Variants in NAALADL2 observed in about 807,000 individuals in gnomAD.
NAALADL2 encodes the protein N-acetylated alpha-linked acidic dipeptidase like 2.
Under a neutral mutation model 87.2 loss-of-function variants are expected in NAALADL2, and 76 were observed. That is an observed-to-expected ratio of 0.87 (90% CI 0.72 to 1.05). The LOEUF is 1.05. Ranked by LOEUF, NAALADL2 falls within the 50% of genes least tolerant of loss-of-function variation. The pLI is 0.00. For missense variants in NAALADL2, 1,089 were observed against 945.8 expected, an observed-to-expected ratio of 1.15 and a Z score of -1.99; for synonymous variants, 354 against 331.0, an observed-to-expected ratio of 1.07 and a Z score of -0.75.
At position 175,237,563 on chromosome 3, in the gene NAALADL2, C is replaced by T. The variant is rs138989704; in HGVS notation, c.819+3359C>T. On this transcript the variant is annotated intron_variant, in intron 3 of 13. Coordinates refer to ENST00000454872, the MANE Select transcript of NAALADL2 (RefSeq NM_207015.3). The stretch of plus-strand genomic sequence containing the variant: ...ATTTTGGTTATATGTTCGATATGTT[C>T]GGTAGCTGTCTTTTTAGATCCCTTT... Among the ~76,000 whole-genome samples the T allele has an allele frequency of 6.0e-4, 91 of 152,148 alleles. No individual in the cohort carries two copies. The East Asian group carries it at 0.011, about 18-fold the overall frequency.
chr3:175,078,751 A>G lies in NAALADL2; in HGVS notation c.44-18039A>G, dbSNP rs572114494. On this transcript the variant is annotated intron_variant, in intron 1 of 13. Coordinates refer to ENST00000454872, the MANE Select transcript of NAALADL2 (RefSeq NM_207015.3). ...TGTTTTTGAGATTCATCCATTTTTT[A>G]CTATGTATCAGTACTTAATTCATTT... Among the ~76,000 whole-genome samples the G allele has an allele frequency of 1.6e-4, 25 of 152,256 alleles. No homozygotes were observed. The South Asian group carries it at 4.3e-3, about 26-fold the overall frequency.
At chr3:175,114,902 T>C (rs754100261) in intron 2 of NAALADL2, among the ~76,000 whole-genome samples, 12 of 151,632 alleles carry the variant, frequency 7.9e-5, no homozygotes, top group South Asian at 4.1e-4. Flanking sequence ...CCAAAGCAAA[T>C]CACAAAAGAA....
chr3:175,705,019 G>A (rs1380578129), intron 11 of NAALADL2, among the ~76,000 whole-genome samples: 1 of 152,154 alleles, frequency 6.6e-6, no homozygotes, highest in Non-Finnish European at 1.5e-5. Flanking sequence ...ATGAATCGGA[G>A]CCTTGTATGG....
intron 3 of NAALADL2, among the ~76,000 whole-genome samples, chr3:174,790,229 CT>C (rs1281060196): frequency 1.3e-5 from 2 of 152,056 alleles, no homozygotes; most frequent in African/African-American, 4.8e-5. Flanking sequence ...TTTTTGGTTC[CT>C]AGTTTTGATA....
intron 1 of NAALADL2, among the ~76,000 whole-genome samples, chr3:175,079,812 G>A (rs1012854348): frequency 6.6e-6 from 1 of 151,526 alleles, no homozygotes; most frequent in Admixed American, 6.6e-5. Context: ...GCACACACAC[G>A]TACGTAAACA....
At chr3:174,523,890 T>C (rs1264419288) in intron 1 of NAALADL2, among the ~76,000 whole-genome samples, 4 of 152,228 alleles carry the variant, frequency 2.6e-5, no homozygotes, top group African/African-American at 9.6e-5. Flanking sequence ...TTTTTCCTTT[T>C]TTTAAAATTC....
chr3:175,528,837 A>T (rs544661368), intron 9 of NAALADL2, among the ~76,000 whole-genome samples: 19 of 152,364 alleles, frequency 1.2e-4, no homozygotes, highest in African/African-American at 4.3e-4. Context: ...AAGAGTACAC[A>T]TGCACAAACA....
intron 2 of NAALADL2, among the ~76,000 whole-genome samples, chr3:174,589,230 G>T (rs112041651): frequency 0.016 from 2,465 of 152,282 alleles, 68 homozygotes; most frequent in African/African-American, 0.055. Flanking sequence ...TTGGAAAAGT[G>T]CAGTATTAGG....
intron 5 of NAALADL2, among the ~76,000 whole-genome samples, chr3:175,337,090 T>C (rs1262314969): frequency 6.7e-6 from 1 of 149,412 alleles, no homozygotes; most frequent in Non-Finnish European, 1.5e-5. Flanking sequence ...GTCTCTGTCA[T>C]TTCAATATTC....
chr3:174,538,324 G>A (rs992704492), intron 1 of NAALADL2, among the ~76,000 whole-genome samples: 25 of 152,038 alleles, frequency 1.6e-4, no homozygotes, highest in African/African-American at 5.6e-4. Flanking sequence ...ATGGGAAGTG[G>A]AGGTTGGACC....
intron 9 of NAALADL2, among the ~76,000 whole-genome samples, chr3:175,521,609 G>C (rs1274691699): frequency 6.6e-6 from 1 of 152,078 alleles, no homozygotes; most frequent in Non-Finnish European, 1.5e-5. Context: ...GGATTAGGGT[G>C]GGCTCTAATC....
At chr3:175,336,378 C>T (rs780030036) in intron 5 of NAALADL2, among the ~76,000 whole-genome samples, 8 of 152,186 alleles carry the variant, frequency 5.3e-5, no homozygotes, top group Non-Finnish European at 1.0e-4. Context: ...TCTGGAATTA[C>T]TACTACACAG....
chr3:175,122,162 C>CCT (rs978971488), intron 2 of NAALADL2, among the ~76,000 whole-genome samples: 19 of 151,900 alleles, frequency 1.3e-4, no homozygotes, highest in African/African-American at 4.3e-4. Context: ...TAAGCCCCTG[C>CCT]CTATGCTGAT....
intron 5 of NAALADL2, among the ~76,000 whole-genome samples, chr3:175,421,703 C>A (rs765592425): frequency 4.9e-4 from 75 of 151,768 alleles, no homozygotes; most frequent in African/African-American, 1.6e-3. Flanking sequence ...TACTTATTTG[C>A]AAATAAATGC....
intron 2 of NAALADL2, among the ~76,000 whole-genome samples, chr3:175,177,430 C>A (rs1735843929): frequency 6.6e-6 from 1 of 151,962 alleles, no homozygotes; most frequent in Admixed American, 6.6e-5. Context: ...AGAAAAGAAG[C>A]TTAGAATAAA....
chr3:175,463,528 A>C, intron 7 of NAALADL2, 35 bp downstream of exon 7: 1 of 1,087,414 alleles, frequency 9.2e-7, no homozygotes, highest in Non-Finnish European at 1.4e-6. Flanking sequence ...TCTACACTTT[A>C]TATGAAACTA....
intron 2 of NAALADL2, among the ~76,000 whole-genome samples, chr3:174,560,741 G>A (rs1261009728): frequency 6.6e-6 from 1 of 151,950 alleles, no homozygotes; most frequent in African/African-American, 2.4e-5. Flanking sequence ...CTTTTTTCTA[G>A]CAATTTATGT....
chr3:174,589,031 C>T (rs888601649), intron 2 of NAALADL2, among the ~76,000 whole-genome samples: 1 of 152,118 alleles, frequency 6.6e-6, no homozygotes, highest in East Asian at 1.9e-4. Flanking sequence ...CCATCCAGTT[C>T]CAGCTTCCCA....
intron 3 of NAALADL2, among the ~76,000 whole-genome samples, chr3:174,749,592 C>A (rs900786042): frequency 2.0e-5 from 3 of 151,844 alleles, no homozygotes; most frequent in African/African-American, 7.3e-5. Context: ...AGCCTCCATA[C>A]TTGGGCTGTC....
Sources: allele counts gnomAD v4.1 joint callset (sites outside exome capture counted in the v4.1 genomes callset), GRCh38; gene constraint gnomAD v4.1.1; transcripts MANE v1.5; gene names NCBI Gene and HGNC (gene_info 2026-07-23, HGNC 2026-07-21).